Variants in TSPAN9 observed in about 807,000 individuals in gnomAD.
The protein encoded by TSPAN9 is tetraspanin-9.
A neutral mutation model predicts 31.0 loss-of-function variants in TSPAN9; 16 were observed. The ratio of observed to expected loss-of-function variants is 0.52; its 90% CI spans 0.35 to 0.78. The LOEUF is 0.78. TSPAN9 is among the 30% of genes least tolerant of loss of function. The pLI, the probability that TSPAN9 is intolerant of heterozygous loss-of-function variation, is 0.01. For missense variants in TSPAN9, 272 were observed against 312.5 expected (o/e 0.87, Z 0.98); for synonymous variants, 145 against 121.6 (o/e 1.19, Z -1.27).
Position 3,121,352 on chromosome 12 carries a change from CTTTTTTTT to C in TSPAN9, c.-18+37651_-18+37658del, listed in dbSNP as rs59198394. 1.8e-4 allele frequency among the ~76,000 whole-genome samples: 20 copies of C among 108,294 alleles called. 5 individuals are homozygous for C. Among genetic ancestry groups the C allele is most frequent in the South Asian group, 1.5e-3 (5 of 3,408 alleles). 71.0% of individuals were successfully genotyped at this position (108,294 alleles called of 152,430 possible). A position where few individuals can be genotyped will look rare whatever the true frequency, so the allele number is the denominator to read the frequency against. ...GATTTTTCAAAACAGGGGATGTTGG[CTTTTTTTT>C]TTTTTTTTTTTTTTTTTGAGACAGG... On this transcript the variant is annotated intron_variant, in intron 2 of 8. Transcript: ENST00000011898.
At chr12:3,218,894 G>A (rs1372828484) in intron 3 of TSPAN9, among the ~76,000 whole-genome samples, 1 of 152,132 alleles carries the variant, frequency 6.6e-6, no homozygotes, top group African/African-American at 2.4e-5. Context: ...TCCATCCTCT[G>A]GAATATAGCT....
chr12:3,157,935 C>T (rs1251704185), intron 2 of TSPAN9, among the ~76,000 whole-genome samples: 1 of 152,188 alleles, frequency 6.6e-6, no homozygotes, highest in African/African-American at 2.4e-5. Context: ...AAAACGCACC[C>T]GGGCTTTTGT....
intron 3 of TSPAN9, among the ~76,000 whole-genome samples, chr12:3,226,535 G>T (rs949871032): frequency 8.0e-5 from 12 of 150,716 alleles, no homozygotes; most frequent in Non-Finnish European, 1.8e-4. Flanking sequence ...CTGTAGGTGT[G>T]CTTGGATTTG....
intron 2 of TSPAN9, among the ~76,000 whole-genome samples, chr12:3,175,476 G>A (rs982496623): frequency 3.9e-5 from 6 of 152,184 alleles, no homozygotes; most frequent in Non-Finnish European, 8.8e-5. Context: ...GTGGCCAAGG[G>A]AAAGCCAGGC....
intron 3 of TSPAN9, among the ~76,000 whole-genome samples, chr12:3,249,179 A>G (rs502518): frequency 0.82 from 124,636 of 152,188 alleles, 53,820 homozygotes; most frequent in Non-Finnish European, 0.96. Context: ...AGAAGCCGGT[A>G]GAATTCATGT....
At chr12:3,244,239 C>G (rs971567048) in intron 3 of TSPAN9, among the ~76,000 whole-genome samples, 1 of 152,212 alleles carries the variant, frequency 6.6e-6, no homozygotes, top group Non-Finnish European at 1.5e-5. Flanking sequence ...AGACTGCCAG[C>G]CACATGGGCC....
chr12:3,242,304 C>T (rs979169051), intron 3 of TSPAN9, among the ~76,000 whole-genome samples: 2 of 152,234 alleles, frequency 1.3e-5, no homozygotes, highest in Admixed American at 6.5e-5. Context: ...CTGCCACCCG[C>T]CCTGCTCTAG....
intron 3 of TSPAN9, among the ~76,000 whole-genome samples, chr12:3,236,811 G>A (rs1207061589): frequency 1.3e-5 from 2 of 152,070 alleles, no homozygotes; most frequent in African/African-American, 2.4e-5. Flanking sequence ...GACGTACAGG[G>A]ATATAGCTCA....
intron 2 of TSPAN9, among the ~76,000 whole-genome samples, chr12:3,182,153 A>T (rs1351742098): frequency 6.6e-6 from 1 of 151,980 alleles, no homozygotes; most frequent in Non-Finnish European, 1.5e-5. Flanking sequence ...GGCGCTACCA[A>T]CCCTTTCTGA....
intron 3 of TSPAN9, among the ~76,000 whole-genome samples, chr12:3,220,094 G>A (rs552738780): frequency 5.3e-5 from 8 of 149,828 alleles, no homozygotes; most frequent in Non-Finnish European, 1.0e-4. Context: ...GCAGTGAGCC[G>A]AGATCACGCC....
intron 1 of TSPAN9, among the ~76,000 whole-genome samples, chr12:3,081,624 G>T (rs1036829570): frequency 4.6e-5 from 7 of 151,804 alleles, no homozygotes. Context: ...ACTTCCTTGG[G>T]TGGTTCTCTA....
At chr12:3,214,793 G>A (rs76395357) in intron 3 of TSPAN9, among the ~76,000 whole-genome samples, 55 of 151,972 alleles carry the variant, frequency 3.6e-4, no homozygotes, top group Admixed American at 2.0e-4. Context: ...CAGAACTGTC[G>A]CGGCTCCTTC....
chr12:3,117,953 G>A (rs936936499), intron 2 of TSPAN9, among the ~76,000 whole-genome samples: 1 of 152,144 alleles, frequency 6.6e-6, no homozygotes, highest in Non-Finnish European at 1.5e-5. Flanking sequence ...ATGGCCTGAA[G>A]GTGGAGGAGG....
intron 2 of TSPAN9, among the ~76,000 whole-genome samples, chr12:3,139,746 C>A (rs1363910312): frequency 6.6e-6 from 1 of 152,162 alleles, no homozygotes; most frequent in East Asian, 1.9e-4. Flanking sequence ...TAGGGTTTCA[C>A]CATGCTGCCC....
intron 3 of TSPAN9, among the ~76,000 whole-genome samples, chr12:3,229,329 T>G (rs2098389457): frequency 6.6e-6 from 1 of 152,206 alleles, no homozygotes; most frequent in Non-Finnish European, 1.5e-5. Flanking sequence ...CTCAACCTCA[T>G]TGGTCTCGTG....
intron 2 of TSPAN9, among the ~76,000 whole-genome samples, chr12:3,102,445 T>TTTTC (rs1279028023): frequency 2.0e-5 from 3 of 150,466 alleles, no homozygotes; most frequent in Admixed American, 6.6e-5. Flanking sequence ...ATTTTTTTTT[T>TTTTC]TTTTTTTTAG....
chr12:3,191,663 C>T (rs957236350), intron 2 of TSPAN9, among the ~76,000 whole-genome samples: 1 of 152,196 alleles, frequency 6.6e-6, no homozygotes, highest in Admixed American at 6.5e-5. Context: ...CCTTGAGCTC[C>T]TCTGCATGTG....
intron 2 of TSPAN9, among the ~76,000 whole-genome samples, chr12:3,167,998 G>A (rs1053779937): frequency 6.6e-6 from 1 of 152,172 alleles, no homozygotes; most frequent in Non-Finnish European, 1.5e-5. Flanking sequence ...TGGGAGGATT[G>A]GGGTCAGTTT....
At chr12:3,244,826 G>A (rs369606016) in intron 3 of TSPAN9, among the ~76,000 whole-genome samples, 9 of 152,070 alleles carry the variant, frequency 5.9e-5, no homozygotes, top group Admixed American at 1.3e-4. Flanking sequence ...CGGTGGAGTC[G>A]GGAGCCTCGA....
Sources: allele counts gnomAD v4.1 joint callset (sites outside exome capture counted in the v4.1 genomes callset), GRCh38; gene constraint gnomAD v4.1.1; transcripts MANE v1.5; gene names NCBI Gene and HGNC (gene_info 2026-07-23, HGNC 2026-07-21).